The following STT3B variants were observed in gnomAD, a reference collection of about 807,000 sequenced individuals.
STT3B encodes the protein dolichyl-diphosphooligosaccharide--protein glycosyltransferase subunit STT3B.
STT3B carries 29 observed loss-of-function variants against 96.8 expected under a neutral mutation model. The observed-to-expected ratio is 0.30, with a 90% CI of 0.22 to 0.41. The LOEUF (loss-of-function observed/expected upper bound fraction) is 0.41. Ranked by LOEUF, STT3B falls within the 10% of genes least tolerant of loss-of-function variation. STT3B has a pLI of 1.00. For missense variants in STT3B, 640 were observed against 1,022.3 expected, an observed-to-expected ratio of 0.63 and a Z score of 5.10; for synonymous variants, 367 against 360.0, an observed-to-expected ratio of 1.02 and a Z score of -0.22.
chr3:31,532,966 G>A lies in STT3B; in HGVS notation c.-33G>A, dbSNP rs1247205146. 22 of 1,565,174 alleles carry A rather than the reference G, an allele frequency of 1.4e-5. No individual in the cohort carries two copies. The highest frequency in any genetic ancestry group is 1.8e-5 in the Non-Finnish European group (21 of 1,159,312). On this transcript the variant is annotated 5_prime_UTR_variant, in exon 1 of 16. Coordinates refer to ENST00000295770, the MANE Select transcript of STT3B (RefSeq NM_178862.3). ...CCTCGCACCAGGCGGCGGCGGCGGA[G>A]GAGGAGAGCTAGACCCGCCGCCGGG...
At chr3:31,543,403 GA>G (rs1697328005) in intron 1 of STT3B, among the ~76,000 whole-genome samples, 1 of 152,164 alleles carries the variant, frequency 6.6e-6, no homozygotes, top group Non-Finnish European at 1.5e-5. Flanking sequence ...GGAGGCAAAA[GA>G]TTCTTTAAGG....
At chr3:31,596,300 T>C (rs1698791856) in intron 3 of STT3B, among the ~76,000 whole-genome samples, 1 of 152,076 alleles carries the variant, frequency 6.6e-6, no homozygotes, top group East Asian at 1.9e-4. Flanking sequence ...GGAAACTCTA[T>C]ATGGTATCCT....
chr3:31,554,541 G>A (rs1030139780), intron 1 of STT3B, among the ~76,000 whole-genome samples: 4 of 151,690 alleles, frequency 2.6e-5, no homozygotes, highest in African/African-American at 7.3e-5. Flanking sequence ...TCCCAAAACC[G>A]CGTCAGCAGC....
At chr3:31,533,996 C>T (rs1164262139) in intron 1 of STT3B, among the ~76,000 whole-genome samples, 1 of 152,182 alleles carries the variant, frequency 6.6e-6, no homozygotes, top group Non-Finnish European at 1.5e-5. Context: ...ATTTATTTAT[C>T]ATTAGGTATT....
intron 1 of STT3B, among the ~76,000 whole-genome samples, chr3:31,556,169 T>G (rs1259094221): frequency 6.6e-6 from 1 of 152,208 alleles, no homozygotes; most frequent in East Asian, 1.9e-4. Flanking sequence ...TCTTTCAGTG[T>G]CTGGCTTATT....
chr3:31,557,725 C>T (rs554385995), intron 1 of STT3B, among the ~76,000 whole-genome samples: 17 of 152,258 alleles, frequency 1.1e-4, no homozygotes, highest in Admixed American at 2.6e-4. Flanking sequence ...CTCCGCCTCC[C>T]GGGTTCACAC....
At chr3:31,557,059 A>T (rs927055459) in intron 1 of STT3B, among the ~76,000 whole-genome samples, 5 of 152,156 alleles carry the variant, frequency 3.3e-5, no homozygotes, top group African/African-American at 1.2e-4. Context: ...TTAATTTTGC[A>T]TAAAGGGAGA....
chr3:31,554,354 A>G (rs929637459), intron 1 of STT3B, among the ~76,000 whole-genome samples: 1 of 152,182 alleles, frequency 6.6e-6, no homozygotes, highest in Admixed American at 6.5e-5. Context: ...CACCAGAGTA[A>G]TTTGAAAAAG....
chr3:31,613,495 G>T (rs1296278917), intron 5 of STT3B, among the ~76,000 whole-genome samples: 1 of 152,046 alleles, frequency 6.6e-6, no homozygotes, highest in African/African-American at 2.4e-5. Context: ...TATCTGAAAG[G>T]CCTGTTGATC....
In STT3B at chr3:31,608,289, G is replaced by T. The variant is rs78295406; in HGVS notation, c.878-6816G>T. Among the ~76,000 whole-genome samples, 187 of 152,332 alleles carry T rather than the reference G, an allele frequency of 1.2e-3. 3 individuals carry two copies. The East Asian group carries it at 0.03, about 24-fold the overall frequency. Reference sequence around the variant, plus strand: ...ATTACATAAAGTGAGTTTTCAAGATGAGTGTTGTAACAGGCACTGAAGCTA... The same window carrying T: ...ATTACATAAAGTGAGTTTTCAAGATTAGTGTTGTAACAGGCACTGAAGCTA... On this transcript the variant is annotated intron_variant, in intron 5 of 15. Transcript: ENST00000295770.
intron 5 of STT3B, among the ~76,000 whole-genome samples, chr3:31,604,937 G>A (rs1699014220): frequency 6.6e-6 from 1 of 152,084 alleles, no homozygotes; most frequent in African/African-American, 2.4e-5. Context: ...ATGTCCTTAG[G>A]CCTTAATGTC....
At chr3:31,534,725 A>G (rs1031172857) in intron 1 of STT3B, among the ~76,000 whole-genome samples, 3 of 152,216 alleles carry the variant, frequency 2.0e-5, no homozygotes, top group Non-Finnish European at 4.4e-5. Context: ...GGACAATTCA[A>G]TTTAGATCAG....
At chr3:31,572,048 TATATCATATATTAATATATTAA>T (rs1381805650) in intron 1 of STT3B, among the ~76,000 whole-genome samples, 1 of 81,326 alleles carries the variant, frequency 1.2e-5, no homozygotes, top group Non-Finnish European at 2.7e-5. Flanking sequence ...GATATATTAA[TATATCATATATTAATATATTAA>T]ATATATTAAT....
chr3:31,572,068 T>TATATATTAATA (rs1559370383), intron 1 of STT3B, among the ~76,000 whole-genome samples: 1 of 98,226 alleles, frequency 1.0e-5, no homozygotes, highest in East Asian at 3.1e-4. Flanking sequence ...ATTAATATAT[T>TATATATTAATA]AAATATATTA....
intron 1 of STT3B, among the ~76,000 whole-genome samples, chr3:31,549,627 A>G (rs975261435): frequency 6.6e-6 from 1 of 152,192 alleles, no homozygotes; most frequent in Admixed American, 6.5e-5. Flanking sequence ...TTAAACGTGT[A>G]TTATGTATTT....
intron 5 of STT3B, among the ~76,000 whole-genome samples, chr3:31,607,415 A>G (rs1406875648): frequency 6.6e-6 from 1 of 152,138 alleles, no homozygotes; most frequent in African/African-American, 2.4e-5. Flanking sequence ...GAAATGATGC[A>G]TGGGAGTGGT....
chr3:31,591,048 A>G (rs1450078995), intron 3 of STT3B, among the ~76,000 whole-genome samples: 1 of 152,084 alleles, frequency 6.6e-6, no homozygotes, highest in East Asian at 1.9e-4. Context: ...TTTCTTTTCA[A>G]GTTCTATCTT....
rs1165953656 is a variant in STT3B, at chr3:31,619,774, C to A, written c.1271C>A (p.Thr424Asn). 1 of 1,613,874 alleles carries A rather than the reference C, an allele frequency of 6.2e-7. No individual in the cohort carries two copies. The highest frequency in any genetic ancestry group is 1.1e-5 in the South Asian group (1 of 91,048). ...FFFDLHILVC[T>N]FPAGLWFCIK... ...TTTGATCTACATATTCTTGTATGTA[C>A]CTTCCCAGCAGGCCTTTGGTTCTGC... The change falls in exon 9 of 16, where the codon ACC (threonine) becomes AAC (asparagine). Residue 424 changes from threonine (T) to asparagine (N), a missense_variant. By Grantham distance (65) the Thr-to-Asn change is moderately conservative (BLOSUM62 0). Around this residue, in one of 8 missense-constraint regions of STT3B, gnomAD observed 33 missense variants for 43.1 expected, o/e 0.77. Transcript: ENST00000295770.
chr3:31,572,776 AC>A (rs1698187962), intron 1 of STT3B, among the ~76,000 whole-genome samples: 4 of 152,132 alleles, frequency 2.6e-5, no homozygotes, highest in Admixed American at 2.6e-4. Context: ...TCAGAGAATC[AC>A]TTGAGACTTG....
Sources: gnomAD v4.1 joint callset for allele counts (sites outside exome capture counted in the v4.1 genomes callset) on GRCh38, gnomAD v4.1.1 for gene constraint, gnomAD v4.1.1 regional missense constraint, MANE v1.5 for transcripts, NCBI Gene and HGNC (gene_info 2026-07-23, HGNC 2026-07-21) for gene names.